Variants in LRMDA observed in about 807,000 individuals in gnomAD.
LRMDA encodes leucine-rich melanocyte differentiation-associated protein.
Under a neutral mutation model 29.8 loss-of-function variants are expected in LRMDA, and 18 were observed. The observed-to-expected ratio is 0.60, with a 90% confidence interval of 0.42 to 0.90. The LOEUF is 0.90. Among genes scored for constraint, LRMDA ranks in the 40% least tolerant of loss-of-function variants. The pLI is 0.00. For missense variants in LRMDA, 273 were observed against 273.9 expected, an observed-to-expected ratio of 1.00 and a Z score of 0.02; for synonymous variants, 125 against 109.4, an observed-to-expected ratio of 1.14 and a Z score of -0.89.
At chr10:76,281,376 G>A (rs1015154234) in intron 5 of LRMDA, among the ~76,000 whole-genome samples, 4 of 152,214 alleles carry the variant, frequency 2.6e-5, no homozygotes, top group African/African-American at 7.2e-5. Context: ...CAGTGAAATT[G>A]TTAAAGATAG....
intron 2 of LRMDA, among the ~76,000 whole-genome samples, chr10:75,936,686 A>G (rs980764568): frequency 6.6e-6 from 1 of 152,136 alleles, no homozygotes; most frequent in Middle Eastern, 3.2e-3. Flanking sequence ...TTTATGGTTC[A>G]TAGACAGCGA....
At chr10:75,617,024 T>C (rs962589681) in intron 2 of LRMDA, among the ~76,000 whole-genome samples, 8 of 152,198 alleles carry the variant, frequency 5.3e-5, no homozygotes, top group African/African-American at 1.4e-4. Context: ...GCCTCAGTGC[T>C]TGGGAACCAC....
intron 5 of LRMDA, among the ~76,000 whole-genome samples, chr10:76,177,880 G>A (rs1425841428): frequency 1.3e-5 from 2 of 152,204 alleles, no homozygotes; most frequent in East Asian, 3.9e-4. Context: ...CTGAAATGAA[G>A]TAAGCTGGTC....
At chr10:75,546,326 TGAA>T (rs1840081047) in intron 2 of LRMDA, among the ~76,000 whole-genome samples, 1 of 152,186 alleles carries the variant, frequency 6.6e-6, no homozygotes, top group Admixed American at 6.5e-5. Context: ...ATCATGTTTT[TGAA>T]GAATGTTTAA....
chr10:76,234,900 G>C (rs150402896), intron 5 of LRMDA, among the ~76,000 whole-genome samples: 1 of 152,132 alleles, frequency 6.6e-6, no homozygotes, highest in Non-Finnish European at 1.5e-5. Context: ...CAGCAATAAG[G>C]CTGTTTCACT....
intron 2 of LRMDA, among the ~76,000 whole-genome samples, chr10:75,659,110 G>A (rs1016080003): frequency 1.3e-5 from 2 of 152,224 alleles, no homozygotes; most frequent in African/African-American, 2.4e-5. Flanking sequence ...CTGGGGAGAC[G>A]CATGGCACAT....
At chr10:75,483,411 T>C (rs1225770388) in intron 2 of LRMDA, among the ~76,000 whole-genome samples, 1 of 152,230 alleles carries the variant, frequency 6.6e-6, no homozygotes, top group Non-Finnish European at 1.5e-5. Context: ...AAAATACCCA[T>C]AGAATTTAAT....
chr10:75,568,826 T>G (rs1308407661), intron 2 of LRMDA, among the ~76,000 whole-genome samples: 1 of 152,216 alleles, frequency 6.6e-6, no homozygotes, highest in Non-Finnish European at 1.5e-5. Flanking sequence ...AGAAATTGCA[T>G]AGTTTGCTTC....
chr10:76,180,399 C>A (rs1851024809), intron 5 of LRMDA, among the ~76,000 whole-genome samples: 1 of 151,186 alleles, frequency 6.6e-6, no homozygotes, highest in Admixed American at 6.6e-5. Flanking sequence ...CCTCCCTCAG[C>A]CTCCCAAGTG....
chr10:75,839,594 C>G (rs926547664), intron 2 of LRMDA, among the ~76,000 whole-genome samples: 10 of 148,464 alleles, frequency 6.7e-5, no homozygotes, highest in Admixed American at 1.3e-4. Flanking sequence ...CCTCATCACT[C>G]TGTTTGCTAC....
chr10:76,261,092 T>A (rs1301029128), intron 5 of LRMDA, among the ~76,000 whole-genome samples: 2 of 120,628 alleles, frequency 1.7e-5, no homozygotes, highest in Non-Finnish European at 1.6e-5. Context: ...TGAGACGGAG[T>A]CTCGCTCTGT....
intron 2 of LRMDA, among the ~76,000 whole-genome samples, chr10:75,814,853 A>G (rs564924876): frequency 6.6e-6 from 1 of 152,282 alleles, no homozygotes; most frequent in Non-Finnish European, 1.5e-5. Context: ...TTAAATTTTC[A>G]TGTTTCAGTT....
At chr10:75,690,455 C>T (rs999430937) in intron 2 of LRMDA, among the ~76,000 whole-genome samples, 7 of 152,092 alleles carry the variant, frequency 4.6e-5, no homozygotes, top group Admixed American at 2.6e-4. Context: ...TAGGTGCATG[C>T]CACCATGCCA....
At chr10:76,253,428 C>G (rs1852522419) in intron 5 of LRMDA, among the ~76,000 whole-genome samples, 1 of 151,862 alleles carries the variant, frequency 6.6e-6, no homozygotes, top group African/African-American at 2.4e-5. Context: ...TATGGTCTCA[C>G]TGATCTACCA....
intron 6 of LRMDA, chr10:76,346,681 G>A (rs1841112754): frequency 6.6e-6 from 1 of 152,226 alleles, no homozygotes; most frequent in Admixed American, 6.5e-5. Context: ...ACATATGTTT[G>A]TGATCTCATT....
intron 2 of LRMDA, among the ~76,000 whole-genome samples, chr10:75,996,243 G>A (rs180915961): frequency 2.6e-5 from 4 of 152,142 alleles, no homozygotes; most frequent in East Asian, 1.9e-4. Flanking sequence ...ACTCTTCTTC[G>A]GCATCCCTGG....
chr10:76,390,518 A>C (rs1404682539), intron 6 of LRMDA, among the ~76,000 whole-genome samples: 1 of 151,934 alleles, frequency 6.6e-6, no homozygotes, highest in Non-Finnish European at 1.5e-5. Flanking sequence ...AAAAAAAAAA[A>C]CAAGAAAACT....
chr10:75,523,306 G>T (rs1845381922), intron 2 of LRMDA, among the ~76,000 whole-genome samples: 1 of 152,168 alleles, frequency 6.6e-6, no homozygotes, highest in African/African-American at 2.4e-5. Context: ...GGACGTCCTT[G>T]TTCCATGTCA....
chr10:75,592,332 CTGTT>C (rs1359992980), intron 2 of LRMDA, among the ~76,000 whole-genome samples: 5 of 152,172 alleles, frequency 3.3e-5, no homozygotes, highest in African/African-American at 1.2e-4. Context: ...TTTTGTTTGT[CTGTT>C]TGTGTTTTTT....
Sources: allele counts gnomAD v4.1 joint callset (sites outside exome capture counted in the v4.1 genomes callset), GRCh38; gene constraint gnomAD v4.1.1; transcripts MANE v1.5; gene names NCBI Gene and HGNC (gene_info 2026-07-23, HGNC 2026-07-21).